Variants in NIT2 observed in about 807,000 individuals in gnomAD.
NIT2 encodes omega-amidase NIT2.
In NIT2, 46 loss-of-function variants were observed where a neutral mutation model predicts 42.7. The observed-to-expected ratio is 1.08, with a 90% confidence interval of 0.85 to 1.38. NIT2 has a LOEUF of 1.38. Among genes scored for constraint, NIT2 ranks in the 40% most tolerant of loss-of-function variants. The pLI, the probability that NIT2 is intolerant of heterozygous loss-of-function variation, is 0.00. For synonymous variants in NIT2, 123 were observed against 121.9 expected (o/e 1.01, Z -0.06); for missense variants, 309 against 342.5 (o/e 0.90, Z 0.77).
chr3:100,335,768 C>T (rs1706062615), intron 1 of NIT2, among the ~76,000 whole-genome samples: 1 of 152,290 alleles, frequency 6.6e-6, no homozygotes, highest in Admixed American at 6.5e-5. Context: ...GTTTGGGAAG[C>T]TGAGGCACGA....
In NIT2 at chr3:100,358,034, TC is replaced by T. The variant is rs10707746; in HGVS notation, c.*2770del. The T allele has an allele frequency of 0.73, 111,504 of 152,170 alleles. 41,797 individuals carry two copies. Among genetic ancestry groups the T allele is most frequent in the East Asian group, 0.93 (4,840 of 5,184 alleles). The allele number at this position is 152,170 out of a possible 1,614,324, so 9.4% of individuals were successfully genotyped here. On this transcript the variant is annotated 3_prime_UTR_variant, in exon 10 of 10. Coordinates refer to ENST00000394140, the MANE Select transcript of NIT2 (RefSeq NM_020202.5). ...CTCAAGTGATCCACCAGCCTTGGCC[TC>T]CCCAAAGTGTTGGGATTACAGACGT... is the stretch of plus-strand genomic sequence containing the variant.
At chr3:100,336,493 A>G (rs1162560826) in intron 1 of NIT2, among the ~76,000 whole-genome samples, 2 of 152,232 alleles carry the variant, frequency 1.3e-5, no homozygotes, top group South Asian at 4.2e-4. Context: ...TTCCCTTAGT[A>G]TTTATGATCA....
rs1480967435 is a variant in NIT2, at chr3:100,345,594, T to A, written c.346T>A (p.Phe116Ile). The change falls in exon 5 of 10, where the codon TTT becomes ATT. Residue 116 changes from phenylalanine (F) to isoleucine (I), a missense_variant. By Grantham distance (21) the Phe-to-Ile change is conservative. Coordinates refer to ENST00000394140, the MANE Select transcript of NIT2 (RefSeq NM_020202.5). ...LLAKYRKIHL[F>I]DIDVPGKITF... ...ATTATTTGTGATGCAGATCCATCTG[T>A]TTGACATTGATGTTCCTGGAAAAAT... is the stretch of plus-strand genomic sequence containing the variant. 1 of 1,609,328 alleles carries A rather than the reference T, an allele frequency of 6.2e-7. No individual in the cohort carries two copies.
chr3:100,353,356 T>C (rs940943899), intron 8 of NIT2, among the ~76,000 whole-genome samples: 5 of 152,238 alleles, frequency 3.3e-5, no homozygotes, highest in Admixed American at 2.6e-4. Context: ...ACTGTGGGGT[T>C]CCTGAGGGTT....
At chr3:100,354,909 C>T (rs1706310196) in intron 9 of NIT2, 82 bp downstream of exon 9, 1 of 1,191,526 alleles carries the variant, frequency 8.4e-7, no homozygotes, top group East Asian at 2.3e-5. Context: ...AAGTCCCTGT[C>T]ATTTGGAGGG....
rs1576201213 is a variant in NIT2 at position 100,346,161 on chromosome 3, C to T, written c.431-20C>T. ...GTAGGGAGTTAACTTTTCATTTGTGCATTTTCTGTTTGGAAACAGCTTACT... is the reference window on the plus strand; with the variant it reads ...GTAGGGAGTTAACTTTTCATTTGTGTATTTTCTGTTTGGAAACAGCTTACT... On this transcript the variant is annotated intron_variant, in intron 5 of 9. Coordinates refer to ENST00000394140, the MANE Select transcript of NIT2 (RefSeq NM_020202.5). 2 of 1,609,964 alleles carry T rather than the reference C, an allele frequency of 1.2e-6. No homozygotes were observed. The highest frequency in any genetic ancestry group is 1.7e-6 in the Non-Finnish European group (2 of 1,176,292).
chr3:100,346,167 C>A lies in NIT2; in HGVS notation c.431-14C>A, dbSNP rs746559919. On this transcript the variant is annotated splice_polypyrimidine_tract_variant and intron_variant, in intron 5 of 9. Coordinates refer to ENST00000394140, the MANE Select transcript of NIT2 (RefSeq NM_020202.5). The stretch of plus-strand genomic sequence containing the variant: ...AGTTAACTTTTCATTTGTGCATTTT[C>A]TGTTTGGAAACAGCTTACTGCAGAG... The A allele has an allele frequency of 1.9e-6, 3 of 1,612,924 alleles. No individual in the cohort carries two copies. The highest frequency in any genetic ancestry group is 2.5e-6 in the Non-Finnish European group (3 of 1,178,962).
In NIT2 at chr3:100,352,510, AG is replaced by A; in HGVS notation, c.683+10del. ...CACCGTGGTGAACCCTTGGTGAGTA[AG>A]GCTAAGTGAGAATAGGCTCAGTCGG... On this transcript the variant is annotated intron_variant, in intron 8 of 9. Coordinates refer to ENST00000394140, the MANE Select transcript of NIT2 (RefSeq NM_020202.5). 6.2e-7 allele frequency: 1 copy of A among 1,606,720 alleles called. No individual in the cohort carries two copies. Among genetic ancestry groups the A allele is most frequent in the East Asian group, 2.2e-5 (1 of 44,734 alleles).
At chr3:100,337,351 C>T (rs1342934460) in intron 1 of NIT2, among the ~76,000 whole-genome samples, 1 of 152,186 alleles carries the variant, frequency 6.6e-6, no homozygotes, top group Non-Finnish European at 1.5e-5. Context: ...GGATCCTTTA[C>T]TGCTGCGTCC....
chr3:100,338,196 C>T (rs1193419468), intron 1 of NIT2, among the ~76,000 whole-genome samples: 1 of 152,158 alleles, frequency 6.6e-6, no homozygotes, highest in African/African-American at 2.4e-5. Context: ...CTTGGAAGAG[C>T]CCCCAACCTC....
intron 4 of NIT2, among the ~76,000 whole-genome samples, chr3:100,343,121 T>C (rs1054086712): frequency 1.3e-5 from 2 of 151,920 alleles, no homozygotes; most frequent in Non-Finnish European, 2.9e-5. Flanking sequence ...AATTTGTTGT[T>C]TTTTCTCTCC....
At chr3:100,349,794 C>T (rs1261165384) in intron 7 of NIT2, 1 of 152,178 alleles carries the variant, frequency 6.6e-6, no homozygotes, top group Admixed American at 6.5e-5. Flanking sequence ...GTCACAGGTG[C>T]CTTTCCTTAG....
At chr3:100,335,249 CACTT>C (rs1281198487) in intron 1 of NIT2, 1 of 208,026 alleles carries the variant, frequency 4.8e-6, no homozygotes, top group Non-Finnish European at 1.0e-5. Flanking sequence ...CTTGCTGTGT[CACTT>C]ACTTTGTTCA....
intron 1 of NIT2, among the ~76,000 whole-genome samples, chr3:100,336,719 TC>T (rs1445553308): frequency 6.6e-6 from 1 of 152,224 alleles, no homozygotes; most frequent in East Asian, 1.9e-4. Flanking sequence ...AAGGCGGTTT[TC>T]CCTATCTTAG....
chr3:100,352,730 C>T (rs1005018652), intron 8 of NIT2, among the ~76,000 whole-genome samples: 5 of 152,234 alleles, frequency 3.3e-5, no homozygotes, highest in Non-Finnish European at 7.3e-5. Flanking sequence ...GGCCTTAGCC[C>T]TCTTCTGAGT....
chr3:100,340,356 A>G (rs1020919315), intron 3 of NIT2, among the ~76,000 whole-genome samples: 3 of 152,184 alleles, frequency 2.0e-5, no homozygotes, highest in Non-Finnish European at 2.9e-5. Context: ...GTGAGCCATC[A>G]TGCCAGGACT....
intron 6 of NIT2, among the ~76,000 whole-genome samples, chr3:100,347,498 T>C (rs1706229271): frequency 6.6e-6 from 1 of 152,198 alleles, no homozygotes; most frequent in Non-Finnish European, 1.5e-5. Context: ...GGCGTGATCA[T>C]GGCTCACTGA....
intron 7 of NIT2, chr3:100,349,188 A>T (rs567063953): frequency 5.2e-6 from 1 of 190,792 alleles, no homozygotes; most frequent in East Asian, 1.4e-4. Context: ...ATCATAGCTC[A>T]TTACAGCCTT....
At chr3:100,338,184 A>G (rs1706100106) in intron 1 of NIT2, among the ~76,000 whole-genome samples, 1 of 152,218 alleles carries the variant, frequency 6.6e-6, no homozygotes, top group African/African-American at 2.4e-5. Context: ...GGAAGAAATA[A>G]GCTTGGAAGA....
Sources: gnomAD v4.1 joint callset for allele counts (sites outside exome capture counted in the v4.1 genomes callset) on GRCh38, gnomAD v4.1.1 for gene constraint, MANE v1.5 for transcripts, NCBI Gene and HGNC (gene_info 2026-07-23, HGNC 2026-07-21) for gene names.